The following HMCN1 variants were observed in gnomAD, a reference collection of about 807,000 sequenced individuals.
The protein encoded by HMCN1 is hemicentin 1, also known as hemicentin-1.
HMCN1 carries 321 observed loss-of-function variants against 625.9 expected under a neutral mutation model. The ratio of observed to expected loss-of-function variants is 0.51; its 90% CI spans 0.47 to 0.56. The LOEUF (loss-of-function observed/expected upper bound fraction) is 0.56, where lower values mean the gene tolerates loss of function less well. Ranked by LOEUF, HMCN1 falls within the 20% of genes least tolerant of loss-of-function variation. The probability of loss-of-function intolerance (pLI) is 0.00; values close to 1 mark genes in which losing one functional copy is unlikely to be tolerated. For synonymous variants in HMCN1, 2,425 were observed against 2,417.6 expected, an observed-to-expected ratio of 1.00 and a Z score of -0.09; for missense variants, 6,588 against 6,887.3, an observed-to-expected ratio of 0.96 and a Z score of 1.54.
intron 36 of HMCN1, among the ~76,000 whole-genome samples, chr1:186,024,473 T>C (rs961348265): frequency 6.6e-6 from 1 of 152,116 alleles, no homozygotes; most frequent in African/African-American, 2.4e-5. Flanking sequence ...CCCTCTCCCA[T>C]CAAGTTCAGT....
intron 1 of HMCN1, among the ~76,000 whole-genome samples, chr1:185,775,289 G>A (rs1289897314): frequency 6.6e-6 from 1 of 152,258 alleles, no homozygotes; most frequent in Non-Finnish European, 1.5e-5. Context: ...TGTAGTCCCA[G>A]CTACTTGGGA....
intron 11 of HMCN1, among the ~76,000 whole-genome samples, chr1:185,953,074 T>A (rs2102537283): frequency 6.7e-6 from 1 of 150,366 alleles, no homozygotes; most frequent in East Asian, 2.0e-4. Context: ...GGAGAAGGGG[T>A]TGAGGGGTAC....
intron 4 of HMCN1, among the ~76,000 whole-genome samples, chr1:185,871,619 C>T (rs187596762): frequency 9.2e-5 from 14 of 152,100 alleles, no homozygotes; most frequent in African/African-American, 3.4e-4. Flanking sequence ...TAAACTGAAC[C>T]CAGGAAAATA....
intron 14 of HMCN1, among the ~76,000 whole-genome samples, chr1:185,969,633 A>G (rs933521259): frequency 2.0e-5 from 3 of 152,166 alleles, no homozygotes; most frequent in African/African-American, 7.2e-5. Context: ...CTCTAAGAAC[A>G]ATGGCCCTCA....
intron 1 of HMCN1, among the ~76,000 whole-genome samples, chr1:185,808,902 G>C (rs1659338536): frequency 6.6e-6 from 1 of 152,138 alleles, no homozygotes; most frequent in South Asian, 2.1e-4. Context: ...ATAGCAATAG[G>C]CAGTATGTAA....
rs138692190 is a variant in HMCN1, at chr1:186,130,070, G to A, written c.13009G>A (p.Val4337Met). The change falls in exon 84 of 107, where the codon GTG becomes ATG. Residue 4337 changes from valine (V) to methionine (M), a missense_variant. This residue lies in a region of HMCN1 where 1,954 missense variants were observed against 2,013.1 expected (regional missense o/e 0.97). Coordinates refer to ENST00000271588, the MANE Select transcript of HMCN1 (RefSeq NM_031935.3). ...CACCGCAGAGAACAGCGTTGGCTTT[G>A]TGAAGGCAATTGGATTTGTTTATGT... ...VCTAENSVGF[V>M]KAIGFVYVKE... 9.9e-6 allele frequency: 16 copies of A among 1,613,170 alleles called. No homozygotes were observed. The highest frequency in any genetic ancestry group is 1.2e-5 in the Non-Finnish European group (14 of 1,179,420).
At chr1:186,154,897 A>T (rs1421643216) in intron 97 of HMCN1, among the ~76,000 whole-genome samples, 1 of 152,206 alleles carries the variant, frequency 6.6e-6, no homozygotes, top group Non-Finnish European at 1.5e-5. Flanking sequence ...AAGAGCCACC[A>T]CGGCAATTAA....
chr1:186,084,091 CT>C (rs1659330158), intron 57 of HMCN1, among the ~76,000 whole-genome samples: 1 of 152,106 alleles, frequency 6.6e-6, no homozygotes, highest in South Asian at 2.1e-4. Flanking sequence ...AGAAAAGCAT[CT>C]TGTAAATACC....
chr1:185,880,592 C>G (rs1664243260), intron 4 of HMCN1, among the ~76,000 whole-genome samples: 1 of 152,152 alleles, frequency 6.6e-6, no homozygotes, highest in South Asian at 2.1e-4. Flanking sequence ...ATAATAATAA[C>G]AATGCATTTG....
intron 1 of HMCN1, among the ~76,000 whole-genome samples, chr1:185,775,971 G>A (rs1055756607): frequency 2.6e-5 from 4 of 152,160 alleles, no homozygotes; most frequent in Admixed American, 6.6e-5. Context: ...ATAGAAAAGT[G>A]CTGTCTCCCT....
intron 83 of HMCN1, 119 bp from the exon 84 acceptor site, chr1:186,129,847 G>A (rs1337873882): frequency 8.4e-7 from 1 of 1,192,664 alleles, no homozygotes; most frequent in Non-Finnish European, 1.2e-6. Context: ...CTTCTCCAAT[G>A]TCATCTCTTT....
rs375752842 is a variant in HMCN1, at chr1:185,841,979, G to A, written c.269-4047G>A. Among the ~76,000 whole-genome samples, 15 of 152,266 alleles carry A rather than the reference G, an allele frequency of 9.9e-5. No homozygotes were observed. In the East Asian group the frequency reaches 2.5e-3, roughly 25 times the overall value. ...ATAGAACTTAAAAAGAAATCAGTATGAATAAATAACTTTTGTTTTAACCAA... is the reference window on the plus strand; with the variant it reads ...ATAGAACTTAAAAAGAAATCAGTATAAATAAATAACTTTTGTTTTAACCAA... On this transcript the variant is annotated intron_variant, in intron 1 of 106. Transcript: ENST00000271588.
chr1:185,784,541 T>C (rs1008364416), intron 1 of HMCN1, among the ~76,000 whole-genome samples: 3 of 152,030 alleles, frequency 2.0e-5, no homozygotes, highest in Non-Finnish European at 2.9e-5. Flanking sequence ...TGCTGGAAAT[T>C]AAGTGGGTTG....
intron 11 of HMCN1, among the ~76,000 whole-genome samples, chr1:185,959,845 T>G (rs1041661177): frequency 2.0e-5 from 3 of 152,186 alleles, no homozygotes; most frequent in Admixed American, 6.5e-5. Context: ...GTTTGTTAGT[T>G]GGCAAATGAT....
At chr1:186,018,797 T>C (rs920243963) in intron 34 of HMCN1, among the ~76,000 whole-genome samples, 25 of 151,950 alleles carry the variant, frequency 1.6e-4, no homozygotes, top group African/African-American at 5.6e-4. Flanking sequence ...AAGATGTAAT[T>C]GAAGGATCTG....
At chr1:186,119,927 T>C (rs1332788904) in intron 79 of HMCN1, 45 bp downstream of exon 79, 1 of 1,614,006 alleles carries the variant, frequency 6.2e-7, no homozygotes. Flanking sequence ...AGCACATCAG[T>C]GTTTTATAAT....
intron 1 of HMCN1, among the ~76,000 whole-genome samples, chr1:185,782,890 TC>T (rs1365586065): frequency 6.6e-6 from 1 of 152,076 alleles, no homozygotes. Flanking sequence ...TGAATGTTGG[TC>T]TGCTTTGCTA....
intron 57 of HMCN1, among the ~76,000 whole-genome samples, chr1:186,085,819 C>G (rs1273078330): frequency 6.6e-6 from 1 of 151,974 alleles, no homozygotes; most frequent in African/African-American, 2.4e-5. Context: ...GATCCCTGCC[C>G]CATTATCTCC....
At chr1:186,000,353 CA>C (rs1158580035) in intron 26 of HMCN1, 114 bp downstream of exon 26, 1 of 768,798 alleles carries the variant, frequency 1.3e-6, no homozygotes, top group Non-Finnish European at 2.2e-6. Flanking sequence ...GCAGTATTAC[CA>C]AACAGAAATC....
Sources: allele counts gnomAD v4.1 joint callset (sites outside exome capture counted in the v4.1 genomes callset), GRCh38; gene constraint gnomAD v4.1.1; regional missense constraint gnomAD v4.1.1; transcripts MANE v1.5; gene names NCBI Gene and HGNC (gene_info 2026-07-23, HGNC 2026-07-21).